The following PACS1 variants were observed in gnomAD, a reference collection of about 807,000 sequenced individuals.
PACS1 encodes the protein phosphofurin acidic cluster sorting protein 1, also known as PACS-1.
Under a neutral mutation model 115.0 loss-of-function variants are expected in PACS1, and 24 were observed. The ratio of observed to expected loss-of-function variants is 0.21; its 90% confidence interval spans 0.15 to 0.29. PACS1 has a LOEUF of 0.29. PACS1 is among the 10% of genes least tolerant of loss of function. The probability of loss-of-function intolerance (pLI) is 1.00; values close to 1 mark genes in which losing one functional copy is unlikely to be tolerated. For synonymous variants in PACS1, 453 were observed against 504.5 expected (o/e 0.90, Z 1.37); for missense variants, 838 against 1,251.2 (o/e 0.67, Z 4.98).
chr11:66,154,778 A>G (rs1859315779), intron 1 of PACS1, among the ~76,000 whole-genome samples: 1 of 152,208 alleles, frequency 6.6e-6, no homozygotes, highest in Non-Finnish European at 1.5e-5. Flanking sequence ...TGTAGATTCA[A>G]TACATTCTCA....
In PACS1 at chr11:66,070,503, G is replaced by A. The variant is rs1270121871; in HGVS notation, c.17G>A (p.Gly6Glu). Residue 6 changes from glycine to glutamate, a missense_variant, in exon 1 of 24, where the codon GGG (glycine) becomes GAG (glutamate). Gly to Glu is a moderately conservative substitution (Grantham distance 98, BLOSUM62 -2). Transcript: ENST00000320580. The surrounding 1 kb of genome is among the most constrained non-coding windows in gnomAD (Gnocchi z 5.9). Reference protein sequence around the residue: MAERGGAGGGPGGAGG... With the variant: MAERGEAGGGPGGAGG... ...AGCCGGGCCATGGCGGAACGCGGAG[G>A]GGCGGGCGGTGGTCCCGGAGGCGCC... 4 of 1,295,300 alleles carry A rather than the reference G, an allele frequency of 3.1e-6. No individual in the cohort carries two copies. Among genetic ancestry groups the A allele is most frequent in the African/African-American group, 1.6e-5 (1 of 64,238 alleles). 80.2% of individuals were successfully genotyped at this position (1,295,300 alleles called of 1,614,324 possible).
Position 66,084,568 on chromosome 11 carries a change from T to C in PACS1, c.356+13726T>C, listed in dbSNP as rs75271515. On this transcript the variant is annotated intron_variant, in intron 1 of 23. Transcript: ENST00000320580. Reference sequence around the variant, plus strand: ...GATCTAGGTGGGAGCTGATGCTGGCTTGGACTAGGGTGGTGGAGGTGGAGA... The same window carrying C: ...GATCTAGGTGGGAGCTGATGCTGGCCTGGACTAGGGTGGTGGAGGTGGAGA... 3.5e-3 allele frequency among the ~76,000 whole-genome samples: 497 copies of C among 140,062 alleles called. 11 individuals are homozygous for C. The East Asian group carries it at 0.083, about 24-fold the overall frequency. 91.9% of individuals were successfully genotyped at this position (140,062 alleles called of 152,430 possible).
At chr11:66,097,576 T>C (rs913700649) in intron 1 of PACS1, among the ~76,000 whole-genome samples, 1 of 152,214 alleles carries the variant, frequency 6.6e-6, no homozygotes, top group African/African-American at 2.4e-5. Flanking sequence ...AGGACCCAGC[T>C]AAACTGTGCC....
intron 1 of PACS1, among the ~76,000 whole-genome samples, chr11:66,091,289 T>TGC (rs1857654669): frequency 6.9e-6 from 1 of 145,620 alleles, no homozygotes; most frequent in Non-Finnish European, 1.5e-5. Context: ...TACAGGTGTG[T>TGC]GCCACCACAC....
At chr11:66,229,211 CAAAAAA>C (rs386374029) in intron 11 of PACS1, among the ~76,000 whole-genome samples, 4 of 63,202 alleles carry the variant, frequency 6.3e-5, no homozygotes, top group Middle Eastern at 9.6e-3. Flanking sequence ...CCCGTCTCTA[CAAAAAA>C]AAAAAAAAAA....
chr11:66,151,251 T>C (rs1773649879), intron 1 of PACS1, among the ~76,000 whole-genome samples: 1 of 149,160 alleles, frequency 6.7e-6, no homozygotes, highest in African/African-American at 2.5e-5. Context: ...CTATACTAGA[T>C]GAGATCTGTG....
intron 1 of PACS1, among the ~76,000 whole-genome samples, chr11:66,093,069 T>A (rs1456089440): frequency 6.6e-6 from 1 of 151,978 alleles, no homozygotes; most frequent in Admixed American, 6.6e-5. Context: ...ATTGGTAGCT[T>A]GATGGGGATG....
At chr11:66,094,527 C>T (rs2134517703) in intron 1 of PACS1, among the ~76,000 whole-genome samples, 1 of 152,256 alleles carries the variant, frequency 6.6e-6, no homozygotes, top group East Asian at 1.9e-4. Context: ...AGACCAATAA[C>T]AGGCTCTGAA....
At chr11:66,148,648 G>A (rs936006751) in intron 1 of PACS1, among the ~76,000 whole-genome samples, 21 of 152,242 alleles carry the variant, frequency 1.4e-4, no homozygotes, top group African/African-American at 4.3e-4. Context: ...AAGTCAGGCC[G>A]GGTGCGGTGG....
chr11:66,193,482 C>T lies in PACS1; in HGVS notation c.357-4C>T, dbSNP rs372582742. The T allele has an allele frequency of 1.1e-5, 18 of 1,604,662 alleles. No individual in the cohort carries two copies. Among genetic ancestry groups the T allele is most frequent in the Non-Finnish European group, 1.5e-5 (18 of 1,171,674 alleles). ...GACAGCATCTTCCTTCTCTGTTTTT[C>T]TAGGCTATTCAGCTTGACCCTGAAG... On this transcript the variant is annotated splice_polypyrimidine_tract_variant and splice_region_variant and intron_variant, in intron 1 of 23. Transcript: ENST00000320580.
chr11:66,157,526 T>G (rs753893268), intron 1 of PACS1, among the ~76,000 whole-genome samples: 1 of 151,700 alleles, frequency 6.6e-6, no homozygotes, highest in Non-Finnish European at 1.5e-5. Context: ...TGTGGAAGAG[T>G]TAGCACCCCA....
intron 1 of PACS1, among the ~76,000 whole-genome samples, chr11:66,132,563 T>C (rs1367355199): frequency 2.6e-5 from 4 of 152,184 alleles, no homozygotes; most frequent in African/African-American, 9.7e-5. Context: ...GTAAATGCTA[T>C]GTAAATTGTT....
At chr11:66,101,859 G>A (rs911318139) in intron 1 of PACS1, among the ~76,000 whole-genome samples, 1 of 152,206 alleles carries the variant, frequency 6.6e-6, no homozygotes, top group Non-Finnish European at 1.5e-5. Context: ...ATCACTTGCT[G>A]TTAGTGGTGG....
At chr11:66,220,450 A>G in intron 8 of PACS1, 181 bp from the exon 9 acceptor site, 1 of 610,718 alleles carries the variant, frequency 1.6e-6, no homozygotes, top group Non-Finnish European at 2.9e-6. Flanking sequence ...AGGTGGCCTC[A>G]CCATGTCCCC....
chr11:66,151,402 A>G (rs1268733775), intron 1 of PACS1, among the ~76,000 whole-genome samples: 2 of 152,174 alleles, frequency 1.3e-5, no homozygotes, highest in Non-Finnish European at 2.9e-5. Context: ...AAATCACAAG[A>G]ACACAAAAGT....
At chr11:66,081,253 GAAAGA>G (rs1207010519) in intron 1 of PACS1, among the ~76,000 whole-genome samples, 9 of 151,778 alleles carry the variant, frequency 5.9e-5, no homozygotes, top group Admixed American at 5.3e-4. Context: ...AAAAAAGAAA[GAAAGA>G]AAAGAAAAGT....
At chr11:66,104,676 A>G (rs1857994385) in intron 1 of PACS1, among the ~76,000 whole-genome samples, 1 of 152,216 alleles carries the variant, frequency 6.6e-6, no homozygotes, top group Non-Finnish European at 1.5e-5. Flanking sequence ...AGTAGAGTAT[A>G]TGGATTAGAA....
intron 1 of PACS1, among the ~76,000 whole-genome samples, chr11:66,174,916 C>T (rs1278633007): frequency 2.6e-5 from 4 of 152,168 alleles, no homozygotes; most frequent in Non-Finnish European, 4.4e-5. Context: ...TTTGGGAGGC[C>T]TAGGCGGGTG....
chr11:66,194,089 T>G (rs1397941729), intron 2 of PACS1, among the ~76,000 whole-genome samples: 2 of 152,114 alleles, frequency 1.3e-5, no homozygotes, highest in Non-Finnish European at 2.9e-5. Flanking sequence ...TCAGCCTCCC[T>G]TGTAGTTGGG....
Sources: allele counts gnomAD v4.1 joint callset (sites outside exome capture counted in the v4.1 genomes callset), GRCh38; gene constraint gnomAD v4.1.1; non-coding constraint Gnocchi (gnomAD v3.1); transcripts MANE v1.5; gene names NCBI Gene and HGNC (gene_info 2026-07-23, HGNC 2026-07-21).